SPAG16: variants seen among roughly 807,000 people sequenced by gnomAD.
SPAG16 encodes the protein sperm-associated antigen 16 protein.
A neutral mutation model predicts 80.4 loss-of-function variants in SPAG16; 86 were observed. That is an observed-to-expected ratio of 1.07 (90% CI 0.90 to 1.28). SPAG16 has a LOEUF of 1.28. Ranked by LOEUF, SPAG16 falls within the 50% of genes most tolerant of loss-of-function variation. The probability of loss-of-function intolerance (pLI) is 0.00; values close to 1 mark genes in which losing one functional copy is unlikely to be tolerated. For missense variants in SPAG16, 870 were observed against 765.3 expected (o/e 1.14, Z -1.61); for synonymous variants, 294 against 265.9 (o/e 1.11, Z -1.03).
At chr2:213,770,008 G>C (rs1016162296) in intron 10 of SPAG16, among the ~76,000 whole-genome samples, 2 of 152,150 alleles carry the variant, frequency 1.3e-5, no homozygotes, top group African/African-American at 4.8e-5. Flanking sequence ...AATATGTACT[G>C]TTTTGTCCCT....
intron 10 of SPAG16, among the ~76,000 whole-genome samples, chr2:213,587,456 T>A (rs1205961810): frequency 6.6e-6 from 1 of 152,174 alleles, no homozygotes; most frequent in Non-Finnish European, 1.5e-5. Flanking sequence ...CCCTGGCCCC[T>A]CCTTTGAAGT....
intron 10 of SPAG16, among the ~76,000 whole-genome samples, chr2:213,694,139 T>C (rs1281579506): frequency 1.3e-5 from 2 of 152,066 alleles, no homozygotes; most frequent in Non-Finnish European, 2.9e-5. Flanking sequence ...TTTACTAGCT[T>C]GAGATCTGTA....
intron 10 of SPAG16, among the ~76,000 whole-genome samples, chr2:213,588,196 A>ATATT (rs912094468): frequency 1.3e-5 from 2 of 152,192 alleles, no homozygotes; most frequent in Admixed American, 6.5e-5. Flanking sequence ...TAAGCAATAT[A>ATATT]TTAAGCATCA....
At chr2:213,582,258 C>T (rs1005001820) in intron 10 of SPAG16, among the ~76,000 whole-genome samples, 4 of 152,038 alleles carry the variant, frequency 2.6e-5, no homozygotes, top group African/African-American at 9.7e-5. Flanking sequence ...TTTCCCTATA[C>T]TGTGTCCTTC....
intron 10 of SPAG16, among the ~76,000 whole-genome samples, chr2:213,544,309 T>C (rs572948213): frequency 3.9e-5 from 6 of 152,116 alleles, no homozygotes; most frequent in Admixed American, 3.9e-4. Flanking sequence ...GTGAGTACAA[T>C]ACCTTCTTTT....
intron 13 of SPAG16, among the ~76,000 whole-genome samples, chr2:214,072,609 G>C (rs745786345): frequency 6.6e-6 from 1 of 152,090 alleles, no homozygotes; most frequent in Non-Finnish European, 1.5e-5. Context: ...AATAATATGA[G>C]TTTGAAGATA....
chr2:214,182,164 G>GTA (rs1016914981), intron 15 of SPAG16, among the ~76,000 whole-genome samples: 1 of 151,296 alleles, frequency 6.6e-6, no homozygotes, highest in Non-Finnish European at 1.5e-5. Context: ...TATTGTACAT[G>GTA]TATATATATA....
chr2:214,087,299 T>C (rs1171035616), intron 13 of SPAG16, among the ~76,000 whole-genome samples: 1 of 152,132 alleles, frequency 6.6e-6, no homozygotes, highest in Admixed American at 6.6e-5. Context: ...CAAATAAAAG[T>C]AAGGTGTTAT....
intron 5 of SPAG16, among the ~76,000 whole-genome samples, chr2:213,328,802 G>C (rs185114232): frequency 3.3e-5 from 5 of 152,196 alleles, no homozygotes; most frequent in Non-Finnish European, 7.4e-5. Flanking sequence ...GGCCTAAGAT[G>C]GTTACCTGTT....
chr2:214,028,861 A>G (rs556848253), intron 13 of SPAG16, among the ~76,000 whole-genome samples: 5 of 152,204 alleles, frequency 3.3e-5, no homozygotes, highest in South Asian at 4.1e-4. Context: ...AATCTTTACT[A>G]TTGAATGTAA....
intron 11 of SPAG16, among the ~76,000 whole-genome samples, chr2:213,921,061 AG>A (rs888504659): frequency 8.5e-5 from 13 of 152,118 alleles, no homozygotes; most frequent in Non-Finnish European, 1.5e-4. Context: ...AGCCTCCTGT[AG>A]GGTTCCCAGC....
intron 12 of SPAG16, among the ~76,000 whole-genome samples, chr2:213,965,584 GC>G (rs1001338559): frequency 1.3e-5 from 2 of 152,124 alleles, no homozygotes; most frequent in African/African-American, 4.8e-5. Context: ...CTTTTTAGCA[GC>G]CTTTTTCCTT....
chr2:213,750,702 T>A (rs894063493), intron 10 of SPAG16, among the ~76,000 whole-genome samples: 5 of 152,208 alleles, frequency 3.3e-5, no homozygotes, highest in African/African-American at 1.2e-4. Context: ...TGAGTTCTGT[T>A]CATAATTTGG....
At chr2:213,763,269 C>T (rs1413248769) in intron 10 of SPAG16, among the ~76,000 whole-genome samples, 2 of 152,086 alleles carry the variant, frequency 1.3e-5, no homozygotes, top group Admixed American at 1.3e-4. Flanking sequence ...TCCAGCAGTC[C>T]CACTTCTGGG....
chr2:213,305,444 G>A (rs1035321115), intron 3 of SPAG16, among the ~76,000 whole-genome samples: 7 of 152,108 alleles, frequency 4.6e-5, no homozygotes, highest in African/African-American at 1.7e-4. Flanking sequence ...AGATCTTGGA[G>A]GAAAGGCTTT....
In SPAG16 at chr2:213,357,409, C is replaced by G. The variant is rs979225981; in HGVS notation, c.763-6667C>G. On this transcript the variant is annotated intron_variant, in intron 7 of 15. Coordinates refer to ENST00000331683, the MANE Select transcript of SPAG16 (RefSeq NM_024532.5). ...GGAGTCTAAGTCTCTTTATAGGTCT[C>G]TAAGGACTTCCTTTATGAATATGGG... is the stretch of plus-strand genomic sequence containing the variant. Among the ~76,000 whole-genome samples, 3 of 152,144 alleles carry G rather than the reference C, an allele frequency of 2.0e-5. No homozygotes were observed. The South Asian group carries it at 6.2e-4, about 32-fold the overall frequency.
At chr2:213,646,634 C>T (rs964477775) in intron 10 of SPAG16, among the ~76,000 whole-genome samples, 9 of 152,140 alleles carry the variant, frequency 5.9e-5, no homozygotes, top group Admixed American at 3.3e-4. Flanking sequence ...ATTAAAAAGA[C>T]GTGAGTCCTC....
chr2:213,327,520 C>G (rs528502075), intron 5 of SPAG16, among the ~76,000 whole-genome samples: 9 of 152,164 alleles, frequency 5.9e-5, no homozygotes, highest in African/African-American at 1.7e-4. Context: ...TGAATTGATG[C>G]AATGCTGCAC....
Position 214,280,580 on chromosome 2 carries a change from C to T in SPAG16, c.1721-129560C>T, listed in dbSNP as rs189378177. Reference sequence around the variant, plus strand: ...GATCCACATATGGGCAACTGTTGTTCGTTTTTTTTAAATTTATCGTCTTTC... The same window carrying T: ...GATCCACATATGGGCAACTGTTGTTTGTTTTTTTTAAATTTATCGTCTTTC... On this transcript the variant is annotated intron_variant, in intron 15 of 15. Coordinates refer to ENST00000331683, the MANE Select transcript of SPAG16 (RefSeq NM_024532.5). 423 of 203,494 alleles carry T rather than the reference C, an allele frequency of 2.1e-3. 2 individuals carry two copies. The highest frequency in any genetic ancestry group is 9.0e-3 in the African/African-American group (384 of 42,722). The allele number at this position is 203,494 out of a possible 1,614,324, so 12.6% of individuals were successfully genotyped here.
Sources: gnomAD v4.1 joint callset for allele counts (sites outside exome capture counted in the v4.1 genomes callset) on GRCh38, gnomAD v4.1.1 for gene constraint, MANE v1.5 for transcripts, NCBI Gene and HGNC (gene_info 2026-07-23, HGNC 2026-07-21) for gene names.